Variants in NR6A1 observed in about 807,000 individuals in gnomAD.
The protein encoded by NR6A1 is retinoic acid receptor-related testis-associated receptor.
NR6A1 carries 7 observed loss-of-function variants against 59.1 expected under a neutral mutation model. That is an observed-to-expected ratio of 0.12 (90% CI 0.07 to 0.22). The LOEUF (loss-of-function observed/expected upper bound fraction) is 0.22. Among genes scored for constraint, NR6A1 ranks in the 10% least tolerant of loss-of-function variants. NR6A1 has a pLI of 1.00. For synonymous variants in NR6A1, 243 were observed against 236.1 expected, an observed-to-expected ratio of 1.03 and a Z score of -0.27; for missense variants, 468 against 611.6, an observed-to-expected ratio of 0.77 and a Z score of 2.48.
intron 2 of NR6A1, among the ~76,000 whole-genome samples, chr9:124,638,246 T>C (rs1836674258): frequency 6.6e-6 from 1 of 151,432 alleles, no homozygotes; most frequent in Non-Finnish European, 1.5e-5. Context: ...GAGTGAGACA[T>C]CTGTCTCTTT....
chr9:124,615,533 A>G (rs1835864175), intron 2 of NR6A1, among the ~76,000 whole-genome samples: 1 of 152,192 alleles, frequency 6.6e-6, no homozygotes, highest in Admixed American at 6.5e-5. Context: ...TATTTCAACT[A>G]TTTCGTAATC....
intron 2 of NR6A1, among the ~76,000 whole-genome samples, chr9:124,626,653 A>G (rs1251188286): frequency 6.6e-6 from 1 of 152,134 alleles, no homozygotes; most frequent in African/African-American, 2.4e-5. Context: ...CTGGAGCTTC[A>G]GGCGGGGCGT....
chr9:124,630,348 TAGTAGCTG>T (rs1210690351), intron 2 of NR6A1, among the ~76,000 whole-genome samples: 2 of 151,616 alleles, frequency 1.3e-5, no homozygotes, highest in African/African-American at 4.8e-5. Flanking sequence ...CCTGAGTAGC[TAGTAGCTG>T]AGTAGCTAGT....
rs551880124 is a variant in NR6A1, at chr9:124,621,225, A to G, written c.143-66655T>C. Among the ~76,000 whole-genome samples the G allele has an allele frequency of 6.0e-4, 91 of 152,318 alleles. 1 individual carries two copies. In the South Asian group the frequency reaches 0.018, roughly 31 times the overall value. On this transcript the variant is annotated intron_variant, in intron 2 of 9. Coordinates refer to ENST00000487099, the MANE Select transcript of NR6A1 (RefSeq NM_033334.4). ...TGTGCACTTAAGAAATCTGACATAA[A>G]ACATGCTTTTTGTTCCTTACACAGT... is the stretch of plus-strand genomic sequence containing the variant.
At chr9:124,617,686 C>A (rs957003478) in intron 2 of NR6A1, among the ~76,000 whole-genome samples, 2 of 152,108 alleles carry the variant, frequency 1.3e-5, no homozygotes, top group African/African-American at 2.4e-5. Flanking sequence ...GCAGCATCCC[C>A]CAGACCAACA....
chr9:124,683,516 G>A (rs1838236708), intron 2 of NR6A1, among the ~76,000 whole-genome samples: 2 of 152,062 alleles, frequency 1.3e-5, no homozygotes, highest in East Asian at 1.9e-4. Context: ...AATTGCTGCC[G>A]GGTGTGGTGG....
At chr9:124,627,882 C>CTTTTTTTT in intron 2 of NR6A1, among the ~76,000 whole-genome samples, 1 of 83,740 alleles carries the variant, frequency 1.2e-5, no homozygotes, top group Non-Finnish European at 2.4e-5. Context: ...CTGAGATTTT[C>CTTTTTTTT]TTTTTTTTTT....
At chr9:124,711,602 C>T (rs1478240460) in intron 2 of NR6A1, among the ~76,000 whole-genome samples, 1 of 152,128 alleles carries the variant, frequency 6.6e-6, no homozygotes, top group Non-Finnish European at 1.5e-5. Context: ...AGGTTTCAGG[C>T]ACATCCTTCT....
intron 4 of NR6A1, among the ~76,000 whole-genome samples, chr9:124,543,187 A>G (rs1021085251): frequency 5.9e-5 from 9 of 152,058 alleles, no homozygotes; most frequent in African/African-American, 1.7e-4. Context: ...TTCACAGTCT[A>G]TTTTCTTGAG....
intron 2 of NR6A1, among the ~76,000 whole-genome samples, chr9:124,660,741 A>G (rs899675032): frequency 3.3e-5 from 5 of 151,596 alleles, no homozygotes; most frequent in Non-Finnish European, 7.4e-5. Flanking sequence ...TAAAAGCTCT[A>G]TTGTTGGAGT....
intron 3 of NR6A1, among the ~76,000 whole-genome samples, chr9:124,550,607 T>C (rs1833750202): frequency 2.0e-5 from 3 of 151,898 alleles, no homozygotes; most frequent in African/African-American, 7.3e-5. Flanking sequence ...ATCCACCTGC[T>C]CCGGCCTCCC....
intron 2 of NR6A1, among the ~76,000 whole-genome samples, chr9:124,676,976 C>T (rs1837983626): frequency 6.6e-6 from 1 of 152,146 alleles, no homozygotes; most frequent in African/African-American, 2.4e-5. Flanking sequence ...AAGCTAGTTT[C>T]AAGATCAAAA....
intron 1 of NR6A1, among the ~76,000 whole-genome samples, chr9:124,767,513 G>GAAAAAAAAAA (rs951834728): frequency 1.3e-5 from 1 of 76,456 alleles, no homozygotes. Flanking sequence ...TACAAAAAAA[G>GAAAAAAAAAA]AAAAAAAAAA....
At position 124,740,823 on chromosome 9, in the gene NR6A1, T is replaced by C. The variant is rs527939432; in HGVS notation, c.101-7474A>G. On this transcript the variant is annotated intron_variant, in intron 1 of 9. Coordinates refer to ENST00000487099, the MANE Select transcript of NR6A1 (RefSeq NM_033334.4). ...CATGATTTGGCACCCAATAAAACTC[T>C]TGACTAGATCAGTCAAATCTAGTCT... Among the ~76,000 whole-genome samples the C allele has an allele frequency of 1.1e-4, 17 of 152,286 alleles. No homozygotes were observed. The South Asian group carries it at 3.5e-3, about 32-fold the overall frequency.
intron 4 of NR6A1, among the ~76,000 whole-genome samples, chr9:124,541,693 A>C (rs1833453095): frequency 6.6e-6 from 1 of 152,248 alleles, no homozygotes; most frequent in South Asian, 2.1e-4. Context: ...TTAATCCAAA[A>C]GAACTGAAAT....
rs551748049 is a variant in NR6A1 at position 124,580,620 on chromosome 9, G to A, written c.143-26050C>T. On this transcript the variant is annotated intron_variant, in intron 2 of 9. Transcript: ENST00000487099. ...GGATCACTTGAGGTCAGGGGTTTAA[G>A]ACCAGCTTGGTCAACATGGTGAATT... Among the ~76,000 whole-genome samples, 9 of 152,256 alleles carry A rather than the reference G, an allele frequency of 5.9e-5. No homozygotes were observed. In the South Asian group the frequency reaches 1.7e-3, roughly 28 times the overall value.
chr9:124,522,685 A>C lies in NR6A1; in HGVS notation c.*20T>G, dbSNP rs1431982676. On this transcript the variant is annotated 3_prime_UTR_variant, in exon 10 of 10. Coordinates refer to ENST00000487099, the MANE Select transcript of NR6A1 (RefSeq NM_033334.4). ...CACCCAAGACGCTGTGGTTGGCCTG[A>C]GGAGGGCGCCTGGAACAGGTCATTC... 11 of 1,555,036 alleles carry C rather than the reference A, an allele frequency of 7.1e-6. No homozygotes were observed. The highest frequency in any genetic ancestry group is 8.7e-6 in the Non-Finnish European group (10 of 1,149,392).
intron 2 of NR6A1, among the ~76,000 whole-genome samples, chr9:124,671,884 A>G (rs761696122): frequency 6.6e-6 from 1 of 152,232 alleles, no homozygotes. Flanking sequence ...AACTTTTACA[A>G]AGTGAACATA....
At position 124,517,555 on chromosome 9, in the gene NR6A1, T is replaced by C. The variant is rs141696676; in HGVS notation, c.*5150A>G. 2.0e-5 allele frequency: 3 copies of C among 152,274 alleles called. No individual in the cohort carries two copies. In the East Asian group the frequency reaches 5.8e-4, roughly 29 times the overall value. The allele number at this position is 152,274 out of a possible 1,614,324, so 9.4% of individuals were successfully genotyped here. On this transcript the variant is annotated 3_prime_UTR_variant, in exon 10 of 10. Coordinates refer to ENST00000487099, the MANE Select transcript of NR6A1 (RefSeq NM_033334.4). ...GCTCAGGGACATCCCGTTTCCTCGA[T>C]TCCTACACACAGGACTGTGGGTGGA... is the stretch of plus-strand genomic sequence containing the variant.
Sources: allele counts gnomAD v4.1 joint callset (sites outside exome capture counted in the v4.1 genomes callset), GRCh38; gene constraint gnomAD v4.1.1; transcripts MANE v1.5; gene names NCBI Gene and HGNC (gene_info 2026-07-23, HGNC 2026-07-21).